GABRB1: variants seen among roughly 807,000 people sequenced by gnomAD.
GABRB1 encodes gamma-aminobutyric acid type A receptor subunit beta1.
A neutral mutation model predicts 51.6 loss-of-function variants in GABRB1; 17 were observed. The ratio of observed to expected loss-of-function variants is 0.33; its 90% confidence interval spans 0.23 to 0.49. The LOEUF is 0.49. Ranked by LOEUF, GABRB1 falls within the 20% of genes least tolerant of loss-of-function variation. GABRB1 has a pLI of 0.99. For synonymous variants in GABRB1, 247 were observed against 218.9 expected (o/e 1.13, Z -1.14); for missense variants, 410 against 600.6 (o/e 0.68, Z 3.32).
At chr4:47,393,858 C>T (rs1174584250) in intron 5 of GABRB1, among the ~76,000 whole-genome samples, 1 of 152,214 alleles carries the variant, frequency 6.6e-6, no homozygotes, top group Non-Finnish European at 1.5e-5. Flanking sequence ...GCATATCCTT[C>T]ATGCCTAGGA....
intron 4 of GABRB1, among the ~76,000 whole-genome samples, chr4:47,292,551 T>A (rs1723790206): frequency 6.6e-6 from 1 of 152,216 alleles, no homozygotes; most frequent in Non-Finnish European, 1.5e-5. Flanking sequence ...AAACAGTACA[T>A]CCCCTGAGCT....
At chr4:47,295,795 A>G (rs1410289008) in intron 4 of GABRB1, among the ~76,000 whole-genome samples, 2 of 152,180 alleles carry the variant, frequency 1.3e-5, no homozygotes, top group Non-Finnish European at 2.9e-5. Context: ...CAACTCCAAG[A>G]CACATAATTG....
At chr4:47,157,804 T>A (rs1362843629) in intron 3 of GABRB1, among the ~76,000 whole-genome samples, 2 of 152,136 alleles carry the variant, frequency 1.3e-5, no homozygotes, top group Non-Finnish European at 2.9e-5. Context: ...ATCATATGTC[T>A]GTATTTTTAT....
chr4:47,134,401 G>T (rs1716552085), intron 3 of GABRB1, among the ~76,000 whole-genome samples: 1 of 151,672 alleles, frequency 6.6e-6, no homozygotes, highest in South Asian at 2.1e-4. Flanking sequence ...GAAAACACAA[G>T]AAAAACAAAT....
At chr4:47,038,431 G>A (rs1313415914) in intron 3 of GABRB1, among the ~76,000 whole-genome samples, 6 of 152,178 alleles carry the variant, frequency 3.9e-5, no homozygotes, top group Non-Finnish European at 8.8e-5. Flanking sequence ...AGACTAAATT[G>A]GAATTATTTC....
intron 3 of GABRB1, among the ~76,000 whole-genome samples, chr4:47,067,182 C>T (rs573892488): frequency 3.9e-4 from 60 of 152,270 alleles, no homozygotes; most frequent in African/African-American, 1.4e-3. Flanking sequence ...ATTCAGTAAA[C>T]TGTGCTGCAA....
intron 5 of GABRB1, among the ~76,000 whole-genome samples, chr4:47,389,243 C>A (rs1005962744): frequency 6.6e-6 from 1 of 152,146 alleles, no homozygotes; most frequent in Non-Finnish European, 1.5e-5. Flanking sequence ...AAGGTTATCC[C>A]CATCCCCTTC....
chr4:47,271,472 A>G (rs139665422), intron 4 of GABRB1, among the ~76,000 whole-genome samples: 1 of 152,270 alleles, frequency 6.6e-6, no homozygotes, highest in Admixed American at 6.5e-5. Flanking sequence ...CTCCAGAAAG[A>G]GGCACTGATT....
At chr4:47,303,458 T>G (rs1260984990) in intron 4 of GABRB1, among the ~76,000 whole-genome samples, 1 of 151,714 alleles carries the variant, frequency 6.6e-6, no homozygotes, top group African/African-American at 2.4e-5. Context: ...TAATATCAAG[T>G]TACTTCTTGT....
At chr4:47,326,904 T>TC (rs1161214664) in intron 5 of GABRB1, among the ~76,000 whole-genome samples, 6 of 152,292 alleles carry the variant, frequency 3.9e-5, no homozygotes, top group African/African-American at 1.4e-4. Context: ...GTTGTTTCTT[T>TC]CCCCCATAGA....
chr4:47,366,672 T>C (rs912512168), intron 5 of GABRB1, among the ~76,000 whole-genome samples: 1 of 152,068 alleles, frequency 6.6e-6, no homozygotes, highest in African/African-American at 2.4e-5. Context: ...TTGAAACATA[T>C]TTTCTTCTTG....
intron 3 of GABRB1, among the ~76,000 whole-genome samples, chr4:47,077,966 ATATT>A (rs1727644333): frequency 2.0e-5 from 2 of 100,642 alleles, no homozygotes; most frequent in South Asian, 6.2e-4. Context: ...TTTTATATAT[ATATT>A]TTATATATAA....
chr4:47,359,908 G>T (rs1560350793), intron 5 of GABRB1, among the ~76,000 whole-genome samples: 1 of 152,076 alleles, frequency 6.6e-6, no homozygotes, highest in Non-Finnish European at 1.5e-5. Context: ...AGCAGATGGT[G>T]ATTTCTTTTT....
At chr4:47,396,267 G>C (rs1341207341) in intron 5 of GABRB1, among the ~76,000 whole-genome samples, 1 of 152,120 alleles carries the variant, frequency 6.6e-6, no homozygotes, top group African/African-American at 2.4e-5. Context: ...CAAACCATCA[G>C]ATCTCGTGAG....
intron 3 of GABRB1, among the ~76,000 whole-genome samples, chr4:47,115,511 A>T (rs1265825820): frequency 2.0e-5 from 3 of 152,004 alleles, no homozygotes; most frequent in African/African-American, 2.4e-5. Context: ...TTAAATATAA[A>T]ATCATAAAAA....
At chr4:47,238,367 T>C (rs2109844826) in intron 4 of GABRB1, among the ~76,000 whole-genome samples, 1 of 152,244 alleles carries the variant, frequency 6.6e-6, no homozygotes, top group South Asian at 2.1e-4. Context: ...AATTAACTAT[T>C]TTTTAGAAAA....
intron 4 of GABRB1, among the ~76,000 whole-genome samples, chr4:47,232,727 A>G (rs1721183603): frequency 6.6e-6 from 1 of 152,172 alleles, no homozygotes; most frequent in African/African-American, 2.4e-5. Context: ...TCTCTTCATC[A>G]GGCAAACTCA....
intron 3 of GABRB1, among the ~76,000 whole-genome samples, chr4:47,105,171 T>C (rs1050411645): frequency 1.1e-4 from 17 of 152,114 alleles, no homozygotes; most frequent in Non-Finnish European, 5.9e-5. Context: ...TGCATCATTG[T>C]CTTTATTTTT....
chr4:47,252,168 G>A (rs1054413068), intron 4 of GABRB1, among the ~76,000 whole-genome samples: 1 of 150,776 alleles, frequency 6.6e-6, no homozygotes, highest in East Asian at 2.0e-4. Context: ...CCTGCCTGGA[G>A]ACCCAGTGAG....
Sources: gnomAD v4.1 joint callset for allele counts (sites outside exome capture counted in the v4.1 genomes callset) on GRCh38, gnomAD v4.1.1 for gene constraint, MANE v1.5 for transcripts, NCBI Gene and HGNC (gene_info 2026-07-23, HGNC 2026-07-21) for gene names.